Variants in ARNT2 observed in about 807,000 individuals in gnomAD.
The protein encoded by ARNT2 is aryl hydrocarbon receptor nuclear translocator 2.
In ARNT2, 36 loss-of-function variants were observed where a neutral mutation model predicts 91.7. The ratio of observed to expected loss-of-function variants is 0.39; its 90% CI spans 0.30 to 0.52. The LOEUF is 0.52. Among genes scored for constraint, ARNT2 ranks in the 20% least tolerant of loss-of-function variants. The pLI, the probability that ARNT2 is intolerant of heterozygous loss-of-function variation, is 0.72. For missense variants in ARNT2, 775 were observed against 939.3 expected, an observed-to-expected ratio of 0.83 and a Z score of 2.29; for synonymous variants, 365 against 347.1, an observed-to-expected ratio of 1.05 and a Z score of -0.57.
Position 80,537,831 on chromosome 15 carries a change from A to G in ARNT2, c.878-13368A>G, listed in dbSNP as rs550176612. Among the ~76,000 whole-genome samples the G allele has an allele frequency of 1.5e-4, 23 of 152,278 alleles. No homozygotes were observed. In the East Asian group the frequency reaches 3.3e-3, roughly 22 times the overall value. The stretch of plus-strand genomic sequence containing the variant: ...CTGCCCCACCCCTACCTGTCTAACT[A>G]TTTATAACAGTGCTTCAAAATGTGA... On this transcript the variant is annotated intron_variant, in intron 8 of 18. Coordinates refer to ENST00000303329, the MANE Select transcript of ARNT2 (RefSeq NM_014862.4).
chr15:80,562,584 G>A lies in ARNT2; in HGVS notation c.1165-504G>A, dbSNP rs543803970. 9.1e-4 allele frequency among the ~76,000 whole-genome samples: 138 copies of A among 152,146 alleles called. 1 individual carries two copies. The highest frequency in any genetic ancestry group is 1.6e-3 in the Non-Finnish European group (109 of 68,010). The stretch of plus-strand genomic sequence containing the variant: ...CCATAGAAAGTGATCATTTCATTAC[G>A]TCTCCTACCAGAGTCTACTGACTCC... On this transcript the variant is annotated intron_variant, in intron 11 of 18. Transcript: ENST00000303329.
At chr15:80,560,146 C>T (rs1187680698) in intron 11 of ARNT2, 2 of 152,288 alleles carry the variant, frequency 1.3e-5, no homozygotes, top group Non-Finnish European at 2.9e-5. Context: ...CTGGTAACCC[C>T]ATGGCATTTC....
intron 1 of ARNT2, chr15:80,441,331 G>T: frequency 1.0e-6 from 1 of 985,322 alleles, no homozygotes; most frequent in South Asian, 4.7e-5. Flanking sequence ...CTCCTAAGAA[G>T]GTGTTGGTCA....
At chr15:80,562,741 C>T in intron 11 of ARNT2, 1 of 294,548 alleles carries the variant, frequency 3.4e-6, no homozygotes. Context: ...ACCCAGAGTA[C>T]CCTAGCAACC....
At chr15:80,448,851 G>A (rs1255791842) in intron 1 of ARNT2, among the ~76,000 whole-genome samples, 1 of 152,334 alleles carries the variant, frequency 6.6e-6, no homozygotes, top group Admixed American at 6.5e-5. Flanking sequence ...CGGGCATGGT[G>A]GCGGGCGCCT....
At chr15:80,515,875 T>TC (rs1232929898) in intron 8 of ARNT2, among the ~76,000 whole-genome samples, 1 of 150,360 alleles carries the variant, frequency 6.7e-6, no homozygotes. Flanking sequence ...GTATTCTTTT[T>TC]TTTTTTTTTT....
chr15:80,564,052 G>A (rs1475693127), intron 12 of ARNT2, among the ~76,000 whole-genome samples: 3 of 152,212 alleles, frequency 2.0e-5, no homozygotes, highest in Non-Finnish European at 2.9e-5. Flanking sequence ...GGATGTCCAA[G>A]CAAACGCAAG....
chr15:80,467,728 T>G (rs4778795), intron 3 of ARNT2, among the ~76,000 whole-genome samples: 91,155 of 152,100 alleles, frequency 0.6, 30,031 homozygotes, highest in Non-Finnish European at 0.74. Context: ...CTTGATGAAG[T>G]GTAGGCTGGC....
chr15:80,460,647 A>G (rs7165655), intron 3 of ARNT2, among the ~76,000 whole-genome samples: 5 of 152,158 alleles, frequency 3.3e-5, no homozygotes, highest in African/African-American at 1.2e-4. Flanking sequence ...CCCCCCACAC[A>G]AAGTCACGGG....
chr15:80,582,318 C>T (rs1037472156), intron 17 of ARNT2, among the ~76,000 whole-genome samples: 14 of 150,144 alleles, frequency 9.3e-5, no homozygotes, highest in African/African-American at 3.2e-4. Flanking sequence ...ATTGCAAAAC[C>T]CTGTCTCTAC....
At chr15:80,558,464 C>T (rs149042632) in intron 11 of ARNT2, among the ~76,000 whole-genome samples, 1,632 of 151,870 alleles carry the variant, frequency 0.011, 43 homozygotes, top group African/African-American at 0.038. Flanking sequence ...CTCAGCCTCC[C>T]GAGTAGCTGG....
intron 2 of ARNT2, among the ~76,000 whole-genome samples, chr15:80,457,086 A>G (rs943396192): frequency 2.6e-5 from 4 of 152,092 alleles, no homozygotes; most frequent in Admixed American, 1.3e-4. Context: ...CTTGACACCA[A>G]TTAAGTACCC....
intron 8 of ARNT2, among the ~76,000 whole-genome samples, chr15:80,542,772 G>C (rs1351737017): frequency 6.6e-6 from 1 of 152,140 alleles, no homozygotes; most frequent in Admixed American, 6.6e-5. Context: ...CCAAAGGATA[G>C]GACTGAGAAG....
At chr15:80,445,583 G>A (rs1392670580) in intron 1 of ARNT2, among the ~76,000 whole-genome samples, 2 of 151,890 alleles carry the variant, frequency 1.3e-5, no homozygotes, top group Non-Finnish European at 2.9e-5. Context: ...CTGAGAGGAG[G>A]TGGGTGGGAG....
chr15:80,444,031 C>T (rs189930248), intron 1 of ARNT2, among the ~76,000 whole-genome samples: 6 of 152,282 alleles, frequency 3.9e-5, no homozygotes, highest in African/African-American at 1.4e-4. Flanking sequence ...TATGCTGCAC[C>T]AGATGCCTGT....
At chr15:80,553,869 A>C in intron 10 of ARNT2, among the ~76,000 whole-genome samples, 1 of 152,198 alleles carries the variant, frequency 6.6e-6, no homozygotes, top group Non-Finnish European at 1.5e-5. Context: ...ATAATTCTGC[A>C]TCTCTAGATT....
chr15:80,501,480 G>A (rs116936174), intron 5 of ARNT2, among the ~76,000 whole-genome samples: 4,538 of 152,318 alleles, frequency 0.03, 84 homozygotes, highest in Middle Eastern at 0.071. Flanking sequence ...GTTCGTGTGC[G>A]TGACTTTTCT....
chr15:80,452,013 G>A (rs1417642058), intron 2 of ARNT2, among the ~76,000 whole-genome samples: 2 of 152,216 alleles, frequency 1.3e-5, no homozygotes, highest in Non-Finnish European at 1.5e-5. Context: ...CCTGCAGGGT[G>A]TGCCCGTTTT....
At chr15:80,590,255 A>G (rs1382867838) in intron 17 of ARNT2, among the ~76,000 whole-genome samples, 1 of 152,180 alleles carries the variant, frequency 6.6e-6, no homozygotes, top group Non-Finnish European at 1.5e-5. Flanking sequence ...CAGAGAGCCC[A>G]TTATCTCCAA....
Sources: gnomAD v4.1 joint callset for allele counts (sites outside exome capture counted in the v4.1 genomes callset) on GRCh38, gnomAD v4.1.1 for gene constraint, MANE v1.5 for transcripts, NCBI Gene and HGNC (gene_info 2026-07-23, HGNC 2026-07-21) for gene names.